The following METAP2 variants were observed in gnomAD, a reference collection of about 807,000 sequenced individuals.
METAP2 encodes the protein methionine aminopeptidase 2.
In METAP2, 25 loss-of-function variants were observed where a neutral mutation model predicts 59.4. The ratio of observed to expected loss-of-function variants is 0.42; its 90% CI spans 0.31 to 0.59. METAP2 has a LOEUF of 0.59. Ranked by LOEUF, METAP2 falls within the 20% of genes least tolerant of loss-of-function variation. The pLI is 0.16. For missense variants in METAP2, 366 were observed against 581.2 expected, an observed-to-expected ratio of 0.63 and a Z score of 3.81; for synonymous variants, 214 against 194.1, an observed-to-expected ratio of 1.10 and a Z score of -0.85.
At chr12:95,487,855 A>G (rs1042216786) in intron 4 of METAP2, among the ~76,000 whole-genome samples, 3 of 152,206 alleles carry the variant, frequency 2.0e-5, no homozygotes, top group Non-Finnish European at 1.5e-5. Flanking sequence ...GAATGGCTTC[A>G]TAATATTCCG....
rs573592986 is a variant in METAP2, at chr12:95,490,048, A to C, written c.429-4008A>C. 1.7e-4 allele frequency among the ~76,000 whole-genome samples: 26 copies of C among 152,250 alleles called. No homozygotes were observed. The South Asian group carries it at 5.4e-3, about 32-fold the overall frequency. ...CATTTTCTCCTTGGAAGACAGATAT[A>C]AGGCAAATGTGAAAAATGTTAAATT... On this transcript the variant is annotated intron_variant, in intron 4 of 10. Transcript: ENST00000323666.
At chr12:95,475,468 TTC>T (rs750556886) in intron 1 of METAP2, among the ~76,000 whole-genome samples, 12 of 152,196 alleles carry the variant, frequency 7.9e-5, no homozygotes, top group Non-Finnish European at 1.8e-4. Context: ...TTAATATGAA[TTC>T]TCTCCAGTAG....
At chr12:95,498,886 A>G (rs2076295460) in intron 7 of METAP2, among the ~76,000 whole-genome samples, 1 of 151,736 alleles carries the variant, frequency 6.6e-6, no homozygotes, top group Admixed American at 6.6e-5. Flanking sequence ...GTGATGGTGC[A>G]CCCTTGTGGT....
intron 7 of METAP2, among the ~76,000 whole-genome samples, chr12:95,501,638 C>T (rs2076316557): frequency 6.6e-6 from 1 of 151,808 alleles, no homozygotes; most frequent in East Asian, 1.9e-4. Flanking sequence ...TGGCTTGTAC[C>T]CAGGAGATGG....
intron 9 of METAP2, 135 bp from the exon 10 acceptor site, chr12:95,512,665 TC>T (rs1310495870): frequency 1.2e-5 from 7 of 578,510 alleles, no homozygotes; most frequent in Non-Finnish European, 9.1e-6. Flanking sequence ...TGAGCCAAGA[TC>T]TCACCACTGC....
Position 95,474,304 on chromosome 12 carries a change from A to T in METAP2, c.125A>T (p.Lys42Met). ...EEAAKKKRRK[K>M]KKSKGPSAAG... ...GCAGCCAAGAAAAAAAGACGAAAGA[A>T]GAAGAAGAGCAAAGGGCCTTCTGCA... Residue 42 changes from lysine (K) to methionine (M), a missense_variant, in exon 1 of 11, where the codon AAG becomes ATG. Physicochemically the swap from Lys to Met is moderately conservative, Grantham distance 95. Transcript: ENST00000323666. The T allele has an allele frequency of 6.2e-7, 1 of 1,614,224 alleles. No homozygotes were observed. The highest frequency in any genetic ancestry group is 8.5e-7 in the Non-Finnish European group (1 of 1,180,040).
intron 3 of METAP2, among the ~76,000 whole-genome samples, chr12:95,484,190 A>G (rs1438499215): frequency 1.3e-5 from 2 of 152,214 alleles, no homozygotes; most frequent in African/African-American, 4.8e-5. Flanking sequence ...AATTTTATGA[A>G]TCAGAATTTT....
At chr12:95,502,138 G>A (rs2076320852) in intron 7 of METAP2, among the ~76,000 whole-genome samples, 1 of 151,926 alleles carries the variant, frequency 6.6e-6, no homozygotes, top group Non-Finnish European at 1.5e-5. Context: ...AAGTAGCTGG[G>A]ACTATAGGCG....
intron 4 of METAP2, among the ~76,000 whole-genome samples, chr12:95,488,436 G>C: frequency 6.8e-6 from 1 of 147,066 alleles, no homozygotes; most frequent in Non-Finnish European, 1.5e-5. Context: ...TTGAACACAG[G>C]AGATGGAGGT....
chr12:95,500,560 C>T (rs2076308130), intron 7 of METAP2, among the ~76,000 whole-genome samples: 1 of 152,018 alleles, frequency 6.6e-6, no homozygotes, highest in Non-Finnish European at 1.5e-5. Context: ...AGGTGGTTGA[C>T]TTCTGTTCTT....
chr12:95,495,162 A>C, intron 6 of METAP2, 24 bp downstream of exon 6: 1 of 1,571,582 alleles, frequency 6.4e-7, no homozygotes, highest in Non-Finnish European at 8.7e-7. Context: ...GAAAATTCCT[A>C]CCCCAGCCTC....
chr12:95,483,117 C>A, intron 2 of METAP2, 98 bp from the exon 3 acceptor site: 2 of 881,196 alleles, frequency 2.3e-6, no homozygotes, highest in South Asian at 1.4e-5. Context: ...AACGTTTGTT[C>A]ATTTATTGAA....
At chr12:95,494,851 AT>A in intron 5 of METAP2, 105 bp from the exon 6 acceptor site, 2 of 792,272 alleles carry the variant, frequency 2.5e-6, no homozygotes, top group Non-Finnish European at 3.8e-6. Flanking sequence ...CCCAGAAGGT[AT>A]TTAAGGTTTT....
In METAP2 at chr12:95,501,995, ATT is replaced by A. The variant is rs113290129; in HGVS notation, c.868-2053_868-2052del. On this transcript the variant is annotated intron_variant, in intron 7 of 10. Transcript: ENST00000323666. ...TCCCCCTCACTTTTTTTTTAATATA[ATT>A]TTTTTTTTTTTTTTTTCCAAATTGA... 7.9e-4 allele frequency among the ~76,000 whole-genome samples: 103 copies of A among 131,146 alleles called. No individual in the cohort carries two copies. The South Asian group carries it at 0.013, about 16-fold the overall frequency. 86.0% of individuals were successfully genotyped at this position (131,146 alleles called of 152,430 possible). A position where few individuals can be genotyped will look rare whatever the true frequency, so the allele number is the denominator to read the frequency against.
intron 3 of METAP2, among the ~76,000 whole-genome samples, chr12:95,484,423 T>A (rs1042851932): frequency 6.6e-6 from 1 of 151,426 alleles, no homozygotes; most frequent in Non-Finnish European, 1.5e-5. Flanking sequence ...TAAAAAAAAA[T>A]TATTAAAAGT....
chr12:95,476,803 C>T (rs1340735338), intron 2 of METAP2, among the ~76,000 whole-genome samples: 9 of 152,130 alleles, frequency 5.9e-5, no homozygotes, highest in Admixed American at 5.9e-4. Flanking sequence ...TACTGAAGAA[C>T]TACTATGTAC....
At chr12:95,510,944 T>G (rs1210910683) in intron 8 of METAP2, among the ~76,000 whole-genome samples, 1 of 152,176 alleles carries the variant, frequency 6.6e-6, no homozygotes, top group Non-Finnish European at 1.5e-5. Flanking sequence ...TTTGTCAGTT[T>G]TAAAACAACT....
At chr12:95,506,239 A>G (rs1205680831) in intron 8 of METAP2, among the ~76,000 whole-genome samples, 3 of 151,282 alleles carry the variant, frequency 2.0e-5, no homozygotes, top group Admixed American at 1.3e-4. Context: ...ACAGTATCAT[A>G]CCTGGCTAAT....
At chr12:95,512,679 T>C in intron 9 of METAP2, 122 bp from the exon 10 acceptor site, 1 of 617,026 alleles carries the variant, frequency 1.6e-6, no homozygotes, top group Admixed American at 3.0e-5. Flanking sequence ...ACCACTGCAC[T>C]CCAGCCTGGC....
Sources: allele counts gnomAD v4.1 joint callset (sites outside exome capture counted in the v4.1 genomes callset), GRCh38; gene constraint gnomAD v4.1.1; transcripts MANE v1.5; gene names NCBI Gene and HGNC (gene_info 2026-07-23, HGNC 2026-07-21).